Variants in PIEZO2 observed in about 807,000 individuals in gnomAD.
The protein encoded by PIEZO2 is piezo-type mechanosensitive ion channel component 2.
In PIEZO2, 172 loss-of-function variants were observed where a neutral mutation model predicts 337.3. That is an observed-to-expected ratio of 0.51 (90% CI 0.45 to 0.58). The LOEUF (loss-of-function observed/expected upper bound fraction) is 0.58. PIEZO2 is among the 20% of genes least tolerant of loss of function. PIEZO2 has a pLI of 0.00. For missense variants in PIEZO2, 3,028 were observed against 3,391.3 expected (o/e 0.89, Z 2.66); for synonymous variants, 1,251 against 1,228.5 (o/e 1.02, Z -0.38).
At chr18:11,052,680 T>C (rs997246443) in intron 2 of PIEZO2, among the ~76,000 whole-genome samples, 1 of 152,208 alleles carries the variant, frequency 6.6e-6, no homozygotes, top group Middle Eastern at 3.2e-3. Context: ...GAGCAGTGTT[T>C]TTCTCCACCT....
At chr18:11,093,474 T>C (rs1357095294) in intron 1 of PIEZO2, among the ~76,000 whole-genome samples, 3 of 152,106 alleles carry the variant, frequency 2.0e-5, no homozygotes, top group Admixed American at 6.5e-5. Flanking sequence ...TCAACTTCAG[T>C]TGGGGACTCT....
intron 39 of PIEZO2, among the ~76,000 whole-genome samples, chr18:10,711,733 T>G (rs1275088209): frequency 2.6e-5 from 4 of 152,166 alleles, no homozygotes. Context: ...GATGCAAAGG[T>G]GCAATATTCA....
chr18:10,906,482 C>T (rs958852054), intron 4 of PIEZO2, among the ~76,000 whole-genome samples: 13 of 151,972 alleles, frequency 8.6e-5, no homozygotes, highest in African/African-American at 3.1e-4. Context: ...ATATATTTTT[C>T]CCAGACAAAA....
intron 7 of PIEZO2, among the ~76,000 whole-genome samples, chr18:10,832,332 G>A (rs925272947): frequency 6.6e-6 from 1 of 152,148 alleles, no homozygotes; most frequent in Non-Finnish European, 1.5e-5. Flanking sequence ...GGGGAAGGGG[G>A]GGATATATGT....
intron 47 of PIEZO2, among the ~76,000 whole-genome samples, chr18:10,694,766 T>A (rs1467510335): frequency 2.0e-5 from 3 of 152,138 alleles, no homozygotes; most frequent in African/African-American, 7.2e-5. Flanking sequence ...GCCCAGGAGT[T>A]CAAGGTTGCA....
intron 36 of PIEZO2, chr18:10,725,245 G>A: frequency 5.1e-6 from 8 of 1,566,138 alleles, no homozygotes; most frequent in Non-Finnish European, 6.2e-6. Flanking sequence ...CTTTGAGGCT[G>A]CCACCGGCAG....
Position 11,047,200 on chromosome 18 carries a change from C to A in PIEZO2, c.160+18927G>T, listed in dbSNP as rs1428887616. Among the ~76,000 whole-genome samples the A allele has an allele frequency of 6.6e-6, 1 of 152,178 alleles. No homozygotes were observed. Among genetic ancestry groups the A allele is most frequent in the African/African-American group, 2.4e-5 (1 of 41,440 alleles). On this transcript the variant is annotated intron_variant, in intron 2 of 55. Coordinates refer to ENST00000674853, the MANE Select transcript of PIEZO2 (RefSeq NM_001378183.1). This position sits in a 1 kb window ranked among gnomAD's most constrained non-coding sequence, Gnocchi z 7.2. ...TGCATGGTACCTCCCACCACTGCTG[C>A]CCTTGCTCTCAGAGAATGGACGCAA...
At chr18:10,891,284 C>T (rs962191639) in intron 4 of PIEZO2, among the ~76,000 whole-genome samples, 2 of 152,070 alleles carry the variant, frequency 1.3e-5, no homozygotes, top group Non-Finnish European at 2.9e-5. Flanking sequence ...GATTGCGCTA[C>T]TGCACTCCAG....
At chr18:11,079,553 T>A (rs1474124916) in intron 1 of PIEZO2, among the ~76,000 whole-genome samples, 1 of 152,218 alleles carries the variant, frequency 6.6e-6, no homozygotes, top group Non-Finnish European at 1.5e-5. Flanking sequence ...CCTAGGCCAC[T>A]TTGGAACAGG....
intron 4 of PIEZO2, among the ~76,000 whole-genome samples, chr18:10,884,129 A>G (rs2042505186): frequency 6.6e-6 from 1 of 152,076 alleles, no homozygotes; most frequent in Non-Finnish European, 1.5e-5. Context: ...CTACTTCTTT[A>G]GATTTTCCAT....
rs11283859 is a variant in PIEZO2 at position 10,682,775 on chromosome 18, T to TTGTATCATGTTGTTCGGCACC, written c.7498-484_7498-483insGGTGCCGAACAACATGATACA. Among the ~76,000 whole-genome samples, 59 of 152,066 alleles carry TTGTATCATGTTGTTCGGCACC rather than the reference T, an allele frequency of 3.9e-4. No individual in the cohort carries two copies. In the East Asian group the frequency reaches 7.4e-3, roughly 19 times the overall value. On this transcript the variant is annotated intron_variant, in intron 49 of 55. Coordinates refer to ENST00000674853, the MANE Select transcript of PIEZO2 (RefSeq NM_001378183.1). The surrounding 1 kb of genome is among the most constrained non-coding windows in gnomAD (Gnocchi z 5.6). ...TTAATTTAATTCATGACACGTGTTG[T>TTGTATCATGTTGTTCGGCACC]TAAAGACAATGTTGTTCGACACCTA...
At position 11,003,893 on chromosome 18, in the gene PIEZO2, A is replaced by T. The variant is rs2035631630; in HGVS notation, c.161-24233T>A. ...CAATATTCAACTACATTTTTCAGGGACCTGCTAAATAGGACTAATGGAAGA... is the reference window on the plus strand; with the variant it reads ...CAATATTCAACTACATTTTTCAGGGTCCTGCTAAATAGGACTAATGGAAGA... On this transcript the variant is annotated intron_variant, in intron 2 of 55. Transcript: ENST00000674853. The surrounding 1 kb of genome is among the most constrained non-coding windows in gnomAD (Gnocchi z 4.6). Among the ~76,000 whole-genome samples the T allele has an allele frequency of 6.6e-6, 1 of 152,204 alleles. No individual in the cohort carries two copies. Among genetic ancestry groups the T allele is most frequent in the African/African-American group, 2.4e-5 (1 of 41,448 alleles).
At chr18:10,792,896 G>A (rs1314252619) in intron 13 of PIEZO2, among the ~76,000 whole-genome samples, 1 of 152,206 alleles carries the variant, frequency 6.6e-6, no homozygotes, top group Admixed American at 6.5e-5. Flanking sequence ...CCCACCAGCA[G>A]TGTGTGACCA....
At chr18:10,905,129 G>A (rs1329980747) in intron 4 of PIEZO2, among the ~76,000 whole-genome samples, 2 of 152,042 alleles carry the variant, frequency 1.3e-5, no homozygotes, top group Non-Finnish European at 2.9e-5. Flanking sequence ...TTCAAAATAG[G>A]TTGCTAAACT....
At chr18:11,108,545 C>T (rs1001173770) in intron 1 of PIEZO2, among the ~76,000 whole-genome samples, 10 of 126,782 alleles carry the variant, frequency 7.9e-5, no homozygotes, top group Admixed American at 3.0e-4. Flanking sequence ...ACCCGGGAGG[C>T]GGAGTTTGCA....
chr18:11,098,239 C>A (rs2039313381), intron 1 of PIEZO2, among the ~76,000 whole-genome samples: 2 of 145,904 alleles, frequency 1.4e-5, no homozygotes, highest in South Asian at 4.4e-4. Context: ...AATTCAGAAG[C>A]AAGATACACA....
chr18:10,986,975 C>G (rs996475589), intron 2 of PIEZO2, among the ~76,000 whole-genome samples: 1 of 151,716 alleles, frequency 6.6e-6, no homozygotes, highest in Admixed American at 6.6e-5. Context: ...TCAAAAAGAA[C>G]AAATACTTAG....
At chr18:11,066,616 T>C (rs1446596671) in intron 1 of PIEZO2, among the ~76,000 whole-genome samples, 1 of 152,212 alleles carries the variant, frequency 6.6e-6, no homozygotes, top group African/African-American at 2.4e-5. Flanking sequence ...GTTTTTTTGT[T>C]TGTGACTGAG....
chr18:10,880,895 ATATAT>A (rs2042400305), intron 4 of PIEZO2, among the ~76,000 whole-genome samples: 1 of 103,050 alleles, frequency 9.7e-6, no homozygotes, highest in Non-Finnish European at 2.1e-5. Flanking sequence ...ATATATATAT[ATATAT>A]AATTTTGATA....
Sources: allele counts gnomAD v4.1 joint callset (sites outside exome capture counted in the v4.1 genomes callset), GRCh38; gene constraint gnomAD v4.1.1; non-coding constraint Gnocchi (gnomAD v3.1); transcripts MANE v1.5; gene names NCBI Gene and HGNC (gene_info 2026-07-23, HGNC 2026-07-21).